Variants in SUDS3 observed in about 807,000 individuals in gnomAD.
SUDS3 encodes the protein sin3 histone deacetylase corepressor complex component SDS3.
SUDS3 carries 23 observed loss-of-function variants against 53.5 expected under a neutral mutation model. The observed-to-expected ratio is 0.43, with a 90% confidence interval of 0.31 to 0.61. The LOEUF is 0.61. Ranked by LOEUF, SUDS3 falls within the 20% of genes least tolerant of loss-of-function variation. The probability of loss-of-function intolerance (pLI) is 0.10; values close to 1 mark genes in which losing one functional copy is unlikely to be tolerated. For missense variants in SUDS3, 291 were observed against 405.9 expected (o/e 0.72, Z 2.43); for synonymous variants, 150 against 148.5 (o/e 1.01, Z -0.08).
chr12:118,385,720 T>C (rs1391926929), intron 3 of SUDS3, among the ~76,000 whole-genome samples: 1 of 152,214 alleles, frequency 6.6e-6, no homozygotes, highest in East Asian at 1.9e-4. Context: ...ATGTTGGACA[T>C]TGCAAATATA....
chr12:118,396,511 C>G (rs1196661213), intron 6 of SUDS3, among the ~76,000 whole-genome samples: 1 of 152,158 alleles, frequency 6.6e-6, no homozygotes, highest in Non-Finnish European at 1.5e-5. Context: ...TCCTTGGCCC[C>G]CCCAAAGTGC....
chr12:118,404,735 TA>T (rs2141386343), intron 10 of SUDS3, among the ~76,000 whole-genome samples: 1 of 152,260 alleles, frequency 6.6e-6, no homozygotes, highest in Non-Finnish European at 1.5e-5. Flanking sequence ...TGGGTTACTG[TA>T]AGGTGTCTCA....
Position 118,414,722 on chromosome 12 carries a change from G to A in SUDS3, c.*289G>A. ...CTTTCCTTTTATTTCTTTATTTTTTGCTTATACTTGTTTTTGAAAACCTCC... is the reference window on the plus strand; with the variant it reads ...CTTTCCTTTTATTTCTTTATTTTTTACTTATACTTGTTTTTGAAAACCTCC... On this transcript the variant is annotated 3_prime_UTR_variant, in exon 12 of 12. Transcript: ENST00000543473. The A allele has an allele frequency of 1.1e-5, 3 of 268,750 alleles. No homozygotes were observed. Among genetic ancestry groups the A allele is most frequent in the Non-Finnish European group, 2.1e-5 (3 of 144,370 alleles). The allele number at this position is 268,750 out of a possible 1,614,324, so 16.6% of individuals were successfully genotyped here.
intron 4 of SUDS3, 120 bp from the exon 5 acceptor site, chr12:118,389,807 A>G (rs1277844596): frequency 1.6e-6 from 2 of 1,222,634 alleles, no homozygotes; most frequent in African/African-American, 3.0e-5. Context: ...CACTGATGAA[A>G]ACATTTGCTT....
chr12:118,388,095 A>G (rs141060443), intron 4 of SUDS3, among the ~76,000 whole-genome samples: 140 of 152,338 alleles, frequency 9.2e-4, no homozygotes, highest in African/African-American at 2.6e-3. Context: ...CCACTTGTGC[A>G]TGGTACAGAT....
At chr12:118,403,542 A>G (rs910210232) in intron 10 of SUDS3, 25 bp downstream of exon 10, 2 of 1,580,564 alleles carry the variant, frequency 1.3e-6, no homozygotes, top group Non-Finnish European at 1.7e-6. Context: ...AACCTGGACT[A>G]GTAAGAGTCT....
chr12:118,416,835 A>C lies in SUDS3; in HGVS notation c.*2402A>C, dbSNP rs1433475078. ...CTAGCTTCTAGCCTGGGTGGCCATT[A>C]TTCCAAAAGGTCATTGTTTCTCACT... On this transcript the variant is annotated 3_prime_UTR_variant, in exon 12 of 12. Transcript: ENST00000543473. 2 of 152,206 alleles carry C rather than the reference A, an allele frequency of 1.3e-5. No homozygotes were observed. Among genetic ancestry groups the C allele is most frequent in the Non-Finnish European group, 2.9e-5 (2 of 68,032 alleles). 9.4% of individuals were successfully genotyped at this position (152,206 alleles called of 1,614,324 possible). A position where few individuals can be genotyped will look rare whatever the true frequency, so the allele number is the denominator to read the frequency against.
intron 2 of SUDS3, 41 bp downstream of exon 2, chr12:118,380,272 G>T: frequency 6.6e-7 from 1 of 1,523,130 alleles, no homozygotes; most frequent in South Asian, 1.2e-5. Flanking sequence ...ACATAGAATT[G>T]ACAACATCTT....
chr12:118,404,239 T>G (rs2046290469), intron 10 of SUDS3: 1 of 152,238 alleles, frequency 6.6e-6, no homozygotes. Flanking sequence ...GCCTCCCGAG[T>G]AGCTGGGATT....
In SUDS3 at chr12:118,416,924, A is replaced by G. The variant is rs1476341555; in HGVS notation, c.*2491A>G. On this transcript the variant is annotated 3_prime_UTR_variant, in exon 12 of 12. Coordinates refer to ENST00000543473, the MANE Select transcript of SUDS3 (RefSeq NM_022491.3). ...CTTTCCTGCAGGTGATTACTTTGAA[A>G]AAGGTTGGTCCAGACCATTTTGATC... is the stretch of plus-strand genomic sequence containing the variant. 1 of 152,220 alleles carries G rather than the reference A, an allele frequency of 6.6e-6. No individual in the cohort carries two copies. The highest frequency in any genetic ancestry group is 2.4e-5 in the African/African-American group (1 of 41,446). The allele number at this position is 152,220 out of a possible 1,614,324, so 9.4% of individuals were successfully genotyped here.
chr12:118,390,022 TC>T lies in SUDS3; in HGVS notation c.360+78del, dbSNP rs2060477120. 5 of 1,563,578 alleles carry T rather than the reference TC, an allele frequency of 3.2e-6. No individual in the cohort carries two copies. In the East Asian group the frequency reaches 1.1e-4, roughly 35 times the overall value. The stretch of plus-strand genomic sequence containing the variant: ...CTTGCAGTCCTGATCTGGTGGCTTT[TC>T]CTTCTATCACCAAGTAGATAGTTTG... On this transcript the variant is annotated intron_variant, in intron 5 of 11. Transcript: ENST00000543473.
intron 6 of SUDS3, among the ~76,000 whole-genome samples, chr12:118,393,907 G>A (rs2141373471): frequency 6.6e-6 from 1 of 152,036 alleles, no homozygotes; most frequent in Non-Finnish European, 1.5e-5. Context: ...CTGACCTCAG[G>A]TGATCCGCCT....
rs373116917 is a variant in SUDS3, at chr12:118,391,228, G to A, written c.463G>A (p.Glu155Lys). ...ELKENLIAEL[E>K]EKKKMIENEK... ...GAAAGAGAACCTGATTGCTGAGCTAGAAGAAAAGAAGAAAATGATTGAAAA... is the reference window on the plus strand; with the variant it reads ...GAAAGAGAACCTGATTGCTGAGCTAAAAGAAAAGAAGAAAATGATTGAAAA... Residue 155 changes from glutamate (E) to lysine (K), a missense_variant, in exon 6 of 12, where the codon GAA becomes AAA. This residue lies in a region of SUDS3 where 55 missense variants were observed against 124.2 expected (regional missense o/e 0.44). Transcript: ENST00000543473. The A allele has an allele frequency of 1.5e-5, 25 of 1,613,120 alleles. No individual in the cohort carries two copies. Among genetic ancestry groups the A allele is most frequent in the Non-Finnish European group, 2.1e-5 (25 of 1,179,764 alleles).
chr12:118,403,382 C>G (rs2046281028), intron 9 of SUDS3, 30 bp from the exon 10 acceptor site: 1 of 1,550,274 alleles, frequency 6.5e-7, no homozygotes, highest in Non-Finnish European at 8.9e-7. Flanking sequence ...TTGTTACATT[C>G]TTAGTCACGT....
chr12:118,405,998 G>A (rs368026641), intron 10 of SUDS3, among the ~76,000 whole-genome samples: 29 of 152,268 alleles, frequency 1.9e-4, no homozygotes, highest in African/African-American at 6.5e-4. Context: ...ATCGCATCTT[G>A]GTGTGAATAC....
At chr12:118,403,877 C>T (rs1056349062) in intron 10 of SUDS3, among the ~76,000 whole-genome samples, 11 of 152,044 alleles carry the variant, frequency 7.2e-5, no homozygotes, top group Middle Eastern at 3.2e-3. Flanking sequence ...AGGTGCTCTT[C>T]GGATTAAAGG....
At chr12:118,391,074 G>A (rs1214926631) in intron 5 of SUDS3, 52 bp from the exon 6 acceptor site, 1 of 1,605,386 alleles carries the variant, frequency 6.2e-7, no homozygotes, top group African/African-American at 1.3e-5. Context: ...TTGAGTTGGA[G>A]CCCTGGCTCC....
chr12:118,409,307 C>T (rs1033997236), intron 10 of SUDS3, among the ~76,000 whole-genome samples: 5 of 152,002 alleles, frequency 3.3e-5, no homozygotes, highest in South Asian at 2.1e-4. Flanking sequence ...CCACCACTCC[C>T]GGCTAATTTT....
intron 2 of SUDS3, 47 bp downstream of exon 2, chr12:118,380,278 A>G (rs1266196619): frequency 2.7e-6 from 4 of 1,489,088 alleles, no homozygotes; most frequent in South Asian, 1.2e-5. Context: ...AATTGACAAC[A>G]TCTTTATATA....
Sources: allele counts gnomAD v4.1 joint callset (sites outside exome capture counted in the v4.1 genomes callset), GRCh38; gene constraint gnomAD v4.1.1; regional missense constraint gnomAD v4.1.1; transcripts MANE v1.5; gene names NCBI Gene and HGNC (gene_info 2026-07-23, HGNC 2026-07-21).